RIT2: variants seen among roughly 807,000 people sequenced by gnomAD.
RIT2 encodes the protein GTP-binding protein Rit2.
RIT2 carries 24 observed loss-of-function variants against 23.7 expected under a neutral mutation model. That is an observed-to-expected ratio of 1.01 (90% CI 0.73 to 1.43). The LOEUF is 1.43. Ranked by LOEUF, RIT2 falls within the 40% of genes most tolerant of loss-of-function variation. The pLI is 0.00. For missense variants in RIT2, 236 were observed against 266.9 expected, an observed-to-expected ratio of 0.88 and a Z score of 0.81; for synonymous variants, 107 against 91.1, an observed-to-expected ratio of 1.17 and a Z score of -0.99.
chr18:43,039,349 CT>C (rs1251475840), intron 1 of RIT2, among the ~76,000 whole-genome samples: 362 of 133,226 alleles, frequency 2.7e-3, no homozygotes, highest in African/African-American at 6.1e-3. Flanking sequence ...TTTTTCTTTT[CT>C]TTTTTTTTTT....
intron 3 of RIT2, among the ~76,000 whole-genome samples, chr18:42,949,200 G>T (rs1240434442): frequency 6.6e-6 from 1 of 152,100 alleles, no homozygotes; most frequent in East Asian, 1.9e-4. Flanking sequence ...CATGTGTGCT[G>T]TGGGGTGCCC....
At chr18:42,919,704 A>C in intron 4 of RIT2, among the ~76,000 whole-genome samples, 1 of 151,306 alleles carries the variant, frequency 6.6e-6, no homozygotes, top group South Asian at 2.1e-4. Context: ...ACAGAGCGAG[A>C]CTCCATCTCA....
At chr18:42,934,530 T>G (rs1316121883) in intron 3 of RIT2, among the ~76,000 whole-genome samples, 1 of 152,180 alleles carries the variant, frequency 6.6e-6, no homozygotes, top group Non-Finnish European at 1.5e-5. Flanking sequence ...GTTTGTGAGA[T>G]GCCTCAAGAT....
At chr18:42,900,977 T>A (rs182125537) in intron 4 of RIT2, among the ~76,000 whole-genome samples, 1 of 138,854 alleles carries the variant, frequency 7.2e-6, no homozygotes, top group African/African-American at 2.5e-5. Flanking sequence ...TTTATTTGGC[T>A]TTTTTTTTAC....
chr18:42,987,040 T>A (rs547364648), intron 2 of RIT2, among the ~76,000 whole-genome samples: 2 of 152,310 alleles, frequency 1.3e-5, no homozygotes, highest in South Asian at 4.1e-4. Context: ...TTCAACCAGT[T>A]TAGAAACTGT....
At chr18:42,978,406 A>G (rs1910522851) in intron 2 of RIT2, among the ~76,000 whole-genome samples, 1 of 151,422 alleles carries the variant, frequency 6.6e-6, no homozygotes, top group Non-Finnish European at 1.5e-5. Flanking sequence ...AATCCTTTTC[A>G]TTTCCTCCCC....
intron 3 of RIT2, among the ~76,000 whole-genome samples, chr18:42,933,022 G>A (rs1206408291): frequency 1.3e-5 from 2 of 152,008 alleles, no homozygotes; most frequent in African/African-American, 4.8e-5. Context: ...AAACATTTTA[G>A]AGTACAACAT....
intron 4 of RIT2, among the ~76,000 whole-genome samples, chr18:42,898,873 T>C (rs1208876072): frequency 1.3e-5 from 2 of 152,166 alleles, no homozygotes; most frequent in Non-Finnish European, 2.9e-5. Context: ...GTTATACTTT[T>C]GAATAAGAAT....
chr18:43,023,396 G>A (rs1911640381), intron 2 of RIT2, among the ~76,000 whole-genome samples: 1 of 152,026 alleles, frequency 6.6e-6, no homozygotes, highest in African/African-American at 2.4e-5. Context: ...TCAAAGAAGA[G>A]CACAAAGTCT....
intron 1 of RIT2, among the ~76,000 whole-genome samples, chr18:43,105,132 T>TGTTTGTG (rs1568083682): frequency 8.0e-5 from 7 of 87,808 alleles, no homozygotes; most frequent in Non-Finnish European, 1.7e-4. Flanking sequence ...GTGTGTGTGT[T>TGTTTGTG]TGTGTGTGTG....
At chr18:42,776,824 A>G (rs1432336203) in intron 4 of RIT2, among the ~76,000 whole-genome samples, 1 of 152,204 alleles carries the variant, frequency 6.6e-6, no homozygotes, top group Non-Finnish European at 1.5e-5. Context: ...GTGTAATGAG[A>G]AGCAATGGGA....
intron 1 of RIT2, among the ~76,000 whole-genome samples, chr18:43,083,989 A>G (rs1393238401): frequency 6.6e-6 from 1 of 152,194 alleles, no homozygotes; most frequent in Non-Finnish European, 1.5e-5. Flanking sequence ...TATCCATCTG[A>G]CAAAGATCTA....
chr18:42,747,253 C>T (rs1042540669), intron 4 of RIT2, among the ~76,000 whole-genome samples: 5 of 151,858 alleles, frequency 3.3e-5, no homozygotes, highest in East Asian at 3.9e-4. Flanking sequence ...ATACCAACAG[C>T]GACCAAGCTG....
intron 4 of RIT2, among the ~76,000 whole-genome samples, chr18:42,868,797 T>G (rs937220580): frequency 5.3e-5 from 8 of 152,316 alleles, no homozygotes; most frequent in African/African-American, 1.7e-4. Context: ...CTTGGTAGTA[T>G]TCAAGTGGAA....
At chr18:42,800,743 G>A (rs1400968033) in intron 4 of RIT2, among the ~76,000 whole-genome samples, 1 of 152,036 alleles carries the variant, frequency 6.6e-6, no homozygotes, top group Admixed American at 6.5e-5. Flanking sequence ...GTGTTAGCCA[G>A]GATGGTCTCG....
intron 3 of RIT2, among the ~76,000 whole-genome samples, chr18:42,924,529 T>G (rs887677467): frequency 6.6e-6 from 1 of 152,124 alleles, no homozygotes; most frequent in Non-Finnish European, 1.5e-5. Context: ...CTAAAATATC[T>G]GTTTTCATTC....
intron 4 of RIT2, among the ~76,000 whole-genome samples, chr18:42,900,285 T>A (rs1037829550): frequency 1.3e-5 from 2 of 152,140 alleles, no homozygotes; most frequent in African/African-American, 4.8e-5. Flanking sequence ...AGACACTTAA[T>A]GAGTTTTAAA....
chr18:42,843,027 A>G lies in RIT2; in HGVS notation c.426+80545T>C, dbSNP rs540048191. 2.6e-5 allele frequency among the ~76,000 whole-genome samples: 4 copies of G among 152,324 alleles called. No homozygotes were observed. In the South Asian group the frequency reaches 6.2e-4, roughly 24 times the overall value. ...TTTTTGTTAGAATCAACTAAAGTCA[A>G]CATTTTTACCTAACATCTGCCTTGC... On this transcript the variant is annotated intron_variant, in intron 4 of 4. Coordinates refer to ENST00000326695, the MANE Select transcript of RIT2 (RefSeq NM_002930.4).
intron 4 of RIT2, among the ~76,000 whole-genome samples, chr18:42,868,045 G>T (rs1392606861): frequency 6.6e-6 from 1 of 152,190 alleles, no homozygotes; most frequent in Non-Finnish European, 1.5e-5. Flanking sequence ...AAGTTTGGAA[G>T]TTGAGGGGCA....
Sources: gnomAD v4.1 joint callset for allele counts (sites outside exome capture counted in the v4.1 genomes callset) on GRCh38, gnomAD v4.1.1 for gene constraint, MANE v1.5 for transcripts, NCBI Gene and HGNC (gene_info 2026-07-23, HGNC 2026-07-21) for gene names.